Variants in ZNF273 observed in about 807,000 individuals in gnomAD.
The protein encoded by ZNF273 is zinc finger protein 273.
Under a neutral mutation model 14.9 loss-of-function variants are expected in ZNF273, and 11 were observed. The ratio of observed to expected loss-of-function variants is 0.74; its 90% CI spans 0.46 to 1.22. The LOEUF is 1.22. Ranked by LOEUF, ZNF273 falls within the 50% of genes most tolerant of loss-of-function variation. The pLI, the probability that ZNF273 is intolerant of heterozygous loss-of-function variation, is 0.00. For synonymous variants in ZNF273, 199 were observed against 223.9 expected (o/e 0.89, Z 0.99); for missense variants, 577 against 660.6 (o/e 0.87, Z 1.39).
At chr7:64,903,507 C>A in intron 1 of ZNF273, 88 bp downstream of exon 1, 1 of 1,288,474 alleles carries the variant, frequency 7.8e-7, no homozygotes, top group Non-Finnish European at 1.1e-6. Flanking sequence ...TCCGGCCTCC[C>A]TGCAGTAGAC....
At chr7:64,920,965 C>A (rs1045894524) in intron 3 of ZNF273, among the ~76,000 whole-genome samples, 1 of 152,004 alleles carries the variant, frequency 6.6e-6, no homozygotes, top group African/African-American at 2.4e-5. Flanking sequence ...AATAGGGCAC[C>A]TTTTATTTTT....
intron 3 of ZNF273, among the ~76,000 whole-genome samples, chr7:64,896,394 A>C (rs1307079734): frequency 6.6e-6 from 1 of 152,198 alleles, no homozygotes; most frequent in African/African-American, 2.4e-5. Flanking sequence ...CTCAACCTAA[A>C]TTCAATGGTA....
the ZNF273 span, among the ~76,000 whole-genome samples, chr7:64,936,913 C>G: frequency 6.6e-6 from 1 of 152,136 alleles, no homozygotes; most frequent in Non-Finnish European, 1.5e-5. Flanking sequence ...AAATTGAATA[C>G]TTGTATAAAA....
At chr7:64,882,454 G>A (rs1241423866), downstream of ZNF273, 1 of 152,268 alleles carries the variant, frequency 6.6e-6, no homozygotes, top group East Asian at 1.9e-4. Flanking sequence ...CGGGCTGACA[G>A]CCCCGACAGC....
At chr7:64,920,732 C>G (rs962707299) in intron 3 of ZNF273, among the ~76,000 whole-genome samples, 1 of 152,114 alleles carries the variant, frequency 6.6e-6, no homozygotes, top group Admixed American at 6.6e-5. Flanking sequence ...AGTTTCATAA[C>G]TCCCTCCCTG....
intron 1 of ZNF273, among the ~76,000 whole-genome samples, chr7:64,905,178 C>T (rs1263459549): frequency 2.1e-4 from 29 of 135,602 alleles, no homozygotes; most frequent in Non-Finnish European, 3.9e-4. Flanking sequence ...TGCAATGGGG[C>T]GATCGTGGCT....
chr7:64,923,381 C>T (rs1286553585), intron 3 of ZNF273: 1 of 455,252 alleles, frequency 2.2e-6, no homozygotes, highest in Non-Finnish European at 4.4e-6. Flanking sequence ...CATTCTTTCA[C>T]CCAGGTTGGA....
At chr7:64,910,390 A>G (rs933236972) in intron 1 of ZNF273, among the ~76,000 whole-genome samples, 5 of 152,210 alleles carry the variant, frequency 3.3e-5, no homozygotes, top group Non-Finnish European at 7.3e-5. Context: ...AATCTTATAC[A>G]TAGTACTAGC....
intron 3 of ZNF273, among the ~76,000 whole-genome samples, chr7:64,919,616 G>C (rs1205060194): frequency 6.6e-6 from 1 of 152,144 alleles, no homozygotes; most frequent in Non-Finnish European, 1.5e-5. Context: ...CTGGGCAACA[G>C]AGCAAAACGG....
At chr7:64,933,542 A>C (rs1795033374), downstream of ZNF273, 1 of 152,188 alleles carries the variant, frequency 6.6e-6, no homozygotes, top group African/African-American at 2.4e-5. Context: ...CAGGTACCCC[A>C]AGCTTAAAGT....
chr7:64,908,691 A>G (rs1197112275), intron 1 of ZNF273, among the ~76,000 whole-genome samples: 1 of 152,060 alleles, frequency 6.6e-6, no homozygotes, highest in Non-Finnish European at 1.5e-5. Flanking sequence ...CCTGACCTCA[A>G]CTGATCTGCT....
rs780119974 is a variant in ZNF273 at position 64,928,503 on chromosome 7, A to G, written c.1175A>G (p.His392Arg). 5 of 1,613,850 alleles carry G rather than the reference A, an allele frequency of 3.1e-6. No homozygotes were observed. In the Admixed American group the frequency reaches 5.0e-5, roughly 16 times the overall value. Residue 392 changes from histidine to arginine, a missense_variant, in exon 4 of 4, where the codon CAT (histidine) becomes CGT (arginine). This residue lies in a region of ZNF273 where 411 missense variants were observed against 440.4 expected (regional missense o/e 0.93). Coordinates refer to ENST00000476120, the MANE Select transcript of ZNF273 (RefSeq NM_021148.3). The stretch of plus-strand genomic sequence containing the variant: ...AACCAGTCCTCAACCCTTACTAGAC[A>G]TAAGATAGTTCATACTGGAGAGAAA... Reference protein sequence around the residue: ...AFNQSSTLTRHKIVHTGEKPY... With the variant: ...AFNQSSTLTRRKIVHTGEKPY...
In ZNF273 at chr7:64,927,947, A is replaced by C; in HGVS notation, c.619A>C (p.Lys207Gln). 6.2e-7 allele frequency: 1 copy of C among 1,613,758 alleles called. No individual in the cohort carries two copies. The highest frequency in any genetic ancestry group is 8.5e-7 in the Non-Finnish European group (1 of 1,179,896). ...KKRQTGKKPF[K>Q]CKECGKSCCI... ...AAGACAAACTGGAAAGAAACCTTTC[A>C]AATGTAAAGAATGTGGCAAATCATG... The change falls in exon 4 of 4, where the codon AAA becomes CAA. Residue 207 changes from lysine to glutamine, a missense_variant. Transcript: ENST00000476120.
chr7:64,918,287 C>T lies in ZNF273; in HGVS notation c.320C>T (p.Pro107Leu), dbSNP rs577165871. The stretch of plus-strand genomic sequence containing the variant: ...AAGAGACATGCGATGGTAGCCAAAC[C>T]CCCAGGTAGGTGAGAGTGATAGCGA... ...NMKRHAMVAK[P>L]PVVCSHFAQD... The change falls in exon 3 of 4, where the codon CCC becomes CTC. Residue 107 changes from proline to leucine, a missense_variant. Physicochemically the swap from Pro to Leu is moderately conservative, Grantham distance 98. Transcript: ENST00000476120. 13 of 1,558,682 alleles carry T rather than the reference C, an allele frequency of 8.3e-6. No homozygotes were observed. The African/African-American group carries it at 1.1e-4, about 13-fold the overall frequency.
At chr7:64,899,451 C>T (rs1792550118), upstream of ZNF273, among the ~76,000 whole-genome samples, 1 of 152,072 alleles carries the variant, frequency 6.6e-6, no homozygotes, top group East Asian at 1.9e-4. Context: ...GGTCAGGAGT[C>T]CCAGACCGGC....
intron 3 of ZNF273, among the ~76,000 whole-genome samples, chr7:64,922,227 C>T (rs991089126): frequency 6.6e-6 from 1 of 151,824 alleles, no homozygotes; most frequent in Non-Finnish European, 1.5e-5. Flanking sequence ...ACTGCAGCCT[C>T]AACCTTCCAA....
intron 1 of ZNF273, 29 bp from the exon 2 acceptor site, chr7:64,917,552 A>G (rs202202845): frequency 1.4e-4 from 223 of 1,580,676 alleles, no homozygotes; most frequent in Non-Finnish European, 1.8e-4. Context: ...AAGTTGGTAA[A>G]TATGTTTTTG....
chr7:64,918,532 A>C (rs1794178252), intron 3 of ZNF273, among the ~76,000 whole-genome samples: 1 of 151,954 alleles, frequency 6.6e-6, no homozygotes, highest in African/African-American at 2.4e-5. Context: ...GTGGTGGCAC[A>C]TGCCTGTAGT....
intron 1 of ZNF273, among the ~76,000 whole-genome samples, chr7:64,914,306 G>C (rs1379212364): frequency 6.8e-6 from 1 of 147,228 alleles, no homozygotes; most frequent in Non-Finnish European, 1.5e-5. Context: ...CAAAGTGCTG[G>C]GATTATAGGC....
Sources: allele counts gnomAD v4.1 joint callset (sites outside exome capture counted in the v4.1 genomes callset), GRCh38; gene constraint gnomAD v4.1.1; regional missense constraint gnomAD v4.1.1; transcripts MANE v1.5; gene names NCBI Gene and HGNC (gene_info 2026-07-23, HGNC 2026-07-21).